Variants in SCHIP1 observed in about 807,000 individuals in gnomAD.
SCHIP1 encodes schwannomin interacting protein 1, also known as schwannomin-interacting protein 1.
A neutral mutation model predicts 29.7 loss-of-function variants in SCHIP1; 8 were observed. The ratio of observed to expected loss-of-function variants is 0.27; its 90% CI spans 0.16 to 0.49. The LOEUF (loss-of-function observed/expected upper bound fraction) is 0.49, where lower values mean the gene tolerates loss of function less well. SCHIP1 is among the 20% of genes least tolerant of loss of function. SCHIP1 has a pLI of 0.99. For missense variants in SCHIP1, 193 were observed against 294.6 expected, an observed-to-expected ratio of 0.66 and a Z score of 2.52; for synonymous variants, 76 against 94.9, an observed-to-expected ratio of 0.80 and a Z score of 1.16.
chr3:159,507,373 CGAT>C, the SCHIP1 span, among the ~76,000 whole-genome samples: 1 of 152,170 alleles, frequency 6.6e-6, no homozygotes, highest in Admixed American at 6.5e-5. Flanking sequence ...TGCGCTGAGT[CGAT>C]GGGGTTTTCT....
the SCHIP1 span, among the ~76,000 whole-genome samples, chr3:159,539,248 G>C: frequency 3.6e-5 from 3 of 83,328 alleles, 1 homozygote; most frequent in Non-Finnish European, 9.6e-5. Flanking sequence ...AATTTTCAAA[G>C]AACTTAGGGT....
chr3:159,355,473 C>G, the SCHIP1 span, among the ~76,000 whole-genome samples: 1 of 151,958 alleles, frequency 6.6e-6, no homozygotes, highest in African/African-American at 2.4e-5. Flanking sequence ...ATTTGGTGCA[C>G]AAGGTGACAT....
intron 5 of SCHIP1, among the ~76,000 whole-genome samples, chr3:159,891,077 A>G (rs1262683080): frequency 6.6e-6 from 1 of 152,118 alleles, no homozygotes; most frequent in African/African-American, 2.4e-5. Flanking sequence ...CAGGAAGATT[A>G]GATATATTTC....
chr3:159,765,173 ACACGCGTACACACCCCGCGCACAGCCCG>A, the SCHIP1 span: 121 of 1,522,604 alleles, frequency 7.9e-5, no homozygotes, highest in Non-Finnish European at 1.1e-4. Context: ...ACGCGCGCAC[ACACGCGTACACACCCCGCGCACAGCCCG>A]CACGCCCCCT....
At chr3:159,273,642 G>T in the SCHIP1 span, 1 of 1,354,588 alleles carries the variant, frequency 7.4e-7, no homozygotes, top group South Asian at 1.9e-5. Context: ...ACTTTGAGCT[G>T]CTTGAGCATG....
the SCHIP1 span, among the ~76,000 whole-genome samples, chr3:159,353,227 G>A: frequency 6.6e-6 from 1 of 151,996 alleles, no homozygotes; most frequent in Non-Finnish European, 1.5e-5. Flanking sequence ...ATGAGTTAAT[G>A]GGTGCAGCAC....
the SCHIP1 span, among the ~76,000 whole-genome samples, chr3:159,323,352 A>G: frequency 6.6e-6 from 1 of 152,246 alleles, no homozygotes; most frequent in African/African-American, 2.4e-5. Context: ...GTCTCTCTGA[A>G]TAACCATTTG....
chr3:159,413,611 T>C, the SCHIP1 span, among the ~76,000 whole-genome samples: 3 of 152,144 alleles, frequency 2.0e-5, no homozygotes, highest in African/African-American at 7.2e-5. Flanking sequence ...TTATGGAAAA[T>C]GACACTTTTA....
chr3:159,481,764 G>A, the SCHIP1 span, among the ~76,000 whole-genome samples: 1 of 152,126 alleles, frequency 6.6e-6, no homozygotes, highest in African/African-American at 2.4e-5. Context: ...GCTGTGATTT[G>A]AGAAAATGGT....
chr3:159,624,295 G>A, the SCHIP1 span, among the ~76,000 whole-genome samples: 3 of 152,130 alleles, frequency 2.0e-5, no homozygotes, highest in South Asian at 2.1e-4. Context: ...AACCTGTGAC[G>A]CCAAGACCAT....
chr3:159,451,712 T>C, the SCHIP1 span, among the ~76,000 whole-genome samples: 3 of 152,212 alleles, frequency 2.0e-5, no homozygotes, highest in Non-Finnish European at 4.4e-5. Flanking sequence ...TAAATATAAC[T>C]GTCTCTGCCC....
chr3:159,474,778 G>T, the SCHIP1 span, among the ~76,000 whole-genome samples: 2 of 152,024 alleles, frequency 1.3e-5, no homozygotes, highest in African/African-American at 4.8e-5. Context: ...GTCAAATTTG[G>T]CTCTTGAGGA....
At chr3:159,694,459 C>T in the SCHIP1 span, among the ~76,000 whole-genome samples, 280 of 151,596 alleles carry the variant, frequency 1.8e-3, 1 homozygote, top group East Asian at 0.025. Flanking sequence ...ACGGAGGTTA[C>T]AGTGAGCCGA....
the SCHIP1 span, among the ~76,000 whole-genome samples, chr3:159,445,693 A>G: frequency 1.3e-5 from 2 of 152,336 alleles, no homozygotes; most frequent in African/African-American, 4.8e-5. Context: ...AACAGTATGC[A>G]GCCATAAAAA....
the SCHIP1 span, among the ~76,000 whole-genome samples, chr3:159,443,952 C>T: frequency 6.6e-6 from 1 of 152,074 alleles, no homozygotes; most frequent in East Asian, 1.9e-4. Context: ...ATTCCAGACA[C>T]CAGTTAGGAA....
chr3:159,826,520 G>A, the SCHIP1 span, among the ~76,000 whole-genome samples: 1 of 152,164 alleles, frequency 6.6e-6, no homozygotes, highest in Non-Finnish European at 1.5e-5. Context: ...GAAATCAGAG[G>A]CCATGAGAAG....
At chr3:159,610,448 A>G in the SCHIP1 span, among the ~76,000 whole-genome samples, 1 of 152,100 alleles carries the variant, frequency 6.6e-6, no homozygotes, top group Non-Finnish European at 1.5e-5. Flanking sequence ...CGGATTCAAT[A>G]TTGTATTTGT....
At chr3:159,523,840 A>G in the SCHIP1 span, among the ~76,000 whole-genome samples, 2 of 152,170 alleles carry the variant, frequency 1.3e-5, no homozygotes, top group African/African-American at 4.8e-5. Flanking sequence ...TGTAACACAC[A>G]CTCCAATTAT....
chr3:159,609,763 A>G, the SCHIP1 span, among the ~76,000 whole-genome samples: 1 of 152,074 alleles, frequency 6.6e-6, no homozygotes, highest in East Asian at 1.9e-4. Context: ...TGAGAGATAA[A>G]CATCTGTCCT....
Sources: gnomAD v4.1 joint callset for allele counts (sites outside exome capture counted in the v4.1 genomes callset) on GRCh38, gnomAD v4.1.1 for gene constraint, MANE v1.5 for transcripts, NCBI Gene and HGNC (gene_info 2026-07-23, HGNC 2026-07-21) for gene names.